The following CHD2 variants were observed in gnomAD, a reference collection of about 807,000 sequenced individuals.
CHD2 encodes the protein ATP-dependent chromatin remodeler CHD2.
A neutral mutation model predicts 243.9 loss-of-function variants in CHD2; 28 were observed. That is an observed-to-expected ratio of 0.11 (90% confidence interval 0.09 to 0.16). The LOEUF (loss-of-function observed/expected upper bound fraction) is 0.16, where lower values mean the gene tolerates loss of function less well. CHD2 is among the 10% of genes least tolerant of loss of function. The probability of loss-of-function intolerance (pLI) is 1.00; values close to 1 mark genes in which losing one functional copy is unlikely to be tolerated. For missense variants in CHD2, 1,386 were observed against 2,209.8 expected (o/e 0.63, Z 7.47); for synonymous variants, 775 against 779.0 (o/e 0.99, Z 0.09).
chr15:92,915,156 G>A (rs890650741), intron 2 of CHD2, among the ~76,000 whole-genome samples: 5 of 152,172 alleles, frequency 3.3e-5, no homozygotes, highest in African/African-American at 1.2e-4. Flanking sequence ...GGTGACTGCT[G>A]AGAGCACTGC....
In CHD2 at chr15:92,929,055, G is replaced by T; in HGVS notation, c.407G>T (p.Ser136Ile). Residue 136 changes from serine (S) to isoleucine (I), a missense_variant, in exon 5 of 39, where the codon AGC becomes ATC. By Grantham distance (142) the Ser-to-Ile change is moderately radical. This residue lies in a region of CHD2 where 16 missense variants were observed against 76.0 expected (regional missense o/e 0.21). Coordinates refer to ENST00000394196, the MANE Select transcript of CHD2 (RefSeq NM_001271.4). ...GCAAGTAGCGGGTCTGAGAGTGGGAGCCCAAAAAGAAGAGGCCAGAGGCAG... is the reference window on the plus strand; with the variant it reads ...GCAAGTAGCGGGTCTGAGAGTGGGATCCCAAAAAGAAGAGGCCAGAGGCAG... ...EEASSGSESG[S>I]PKRRGQRQLK... The T allele has an allele frequency of 6.2e-7, 1 of 1,611,500 alleles. No individual in the cohort carries two copies. The highest frequency in any genetic ancestry group is 8.5e-7 in the Non-Finnish European group (1 of 1,178,562).
At position 92,943,391 on chromosome 15, in the gene CHD2, A is replaced by G. The variant is rs12915024; in HGVS notation, c.1052+323A>G. The G allele has an allele frequency of 0.15, 43,847 of 296,428 alleles. 3,901 individuals are homozygous for G. The highest frequency in any genetic ancestry group is 0.24 in the East Asian group (2,760 of 11,482). The allele number at this position is 296,428 out of a possible 1,614,324, so 18.4% of individuals were successfully genotyped here. On this transcript the variant is annotated intron_variant, in intron 9 of 38. Transcript: ENST00000394196. ...GAATACGGCACACAGCAATTCTGCA[A>G]GTGGACTCAGGTTTTGAATTCTGAT...
intron 16 of CHD2, among the ~76,000 whole-genome samples, chr15:92,961,875 T>C (rs2053692104): frequency 9.3e-6 from 1 of 107,758 alleles, no homozygotes; most frequent in African/African-American, 3.1e-5. Flanking sequence ...TTTTTTCTTC[T>C]CTTTTTTTTT....
chr15:92,912,333 C>T (rs2052751658), intron 2 of CHD2, among the ~76,000 whole-genome samples: 1 of 152,090 alleles, frequency 6.6e-6, no homozygotes, highest in Admixed American at 6.6e-5. Flanking sequence ...TATCTGCCGT[C>T]TCGGGGAATA....
chr15:92,906,684 T>A (rs1386649604), intron 2 of CHD2, among the ~76,000 whole-genome samples: 2 of 115,810 alleles, frequency 1.7e-5, no homozygotes, highest in African/African-American at 3.2e-5. Flanking sequence ...TTTTTTTTTT[T>A]AAGATCCTTT....
At chr15:93,001,216 C>G (rs55738314) in intron 32 of CHD2, among the ~76,000 whole-genome samples, 9,441 of 152,246 alleles carry the variant, frequency 0.062, 408 homozygotes, top group Non-Finnish European at 0.096. Context: ...CTCATTCTTG[C>G]AAATGACGGG....
chr15:92,998,416 C>T lies in CHD2; in HGVS notation c.3886-83C>T. The T allele has an allele frequency of 6.4e-7, 1 of 1,566,556 alleles. No homozygotes were observed. Among genetic ancestry groups the T allele is most frequent in the Non-Finnish European group, 8.7e-7 (1 of 1,149,594 alleles). On this transcript the variant is annotated intron_variant, in intron 30 of 38. Coordinates refer to ENST00000394196, the MANE Select transcript of CHD2 (RefSeq NM_001271.4). The surrounding 1 kb of genome is among the most constrained non-coding windows in gnomAD (Gnocchi z 5.1). ...GGTTGGGGAGGGAAAGGACTGTGCTCAGTTTTTGTTGTCTCTGTTTATCCT... is the reference window on the plus strand; with the variant it reads ...GGTTGGGGAGGGAAAGGACTGTGCTTAGTTTTTGTTGTCTCTGTTTATCCT...
chr15:93,004,556 C>T, intron 33 of CHD2, 61 bp from the exon 34 acceptor site: 2 of 1,481,042 alleles, frequency 1.4e-6, no homozygotes, highest in Non-Finnish European at 1.8e-6. Context: ...AGGTAAGAAA[C>T]CTAAATCGCA....
intron 10 of CHD2, 23 bp downstream of exon 10, chr15:92,944,538 C>A (rs200735963): frequency 1.6e-6 from 2 of 1,257,968 alleles, no homozygotes; most frequent in East Asian, 4.8e-5. Context: ...TAACTCACTT[C>A]AGCCATATTT....
Position 92,967,522 on chromosome 15 carries a change from T to C in CHD2, c.2189+9T>C, listed in dbSNP as rs1188901896. On this transcript the variant is annotated intron_variant, in intron 17 of 38. Coordinates refer to ENST00000394196, the MANE Select transcript of CHD2 (RefSeq NM_001271.4). ...CAGAAACAGTATTACAAGTAAGTTC[T>C]TGTTTGGGTTAGGCCTGAAGGGGTT... 6.2e-7 allele frequency: 1 copy of C among 1,612,822 alleles called. No homozygotes were observed. The highest frequency in any genetic ancestry group is 1.7e-5 in the Admixed American group (1 of 59,970).
In CHD2 at chr15:92,900,450, C is replaced by T. The variant is rs1472179557; in HGVS notation, c.-446C>T. The stretch of plus-strand genomic sequence containing the variant: ...CAGCCTCAGGGGGCCCCCGTAGCCC[C>T]CTGCCTTTCCTAGGGACTTACTGGG... On this transcript the variant is annotated 5_prime_UTR_variant, in exon 1 of 39. Coordinates refer to ENST00000394196, the MANE Select transcript of CHD2 (RefSeq NM_001271.4). 4 of 397,306 alleles carry T rather than the reference C, an allele frequency of 1.0e-5. No individual in the cohort carries two copies. Among genetic ancestry groups the T allele is most frequent in the African/African-American group, 2.1e-5 (1 of 48,574 alleles). 24.6% of individuals were successfully genotyped at this position (397,306 alleles called of 1,614,324 possible).
chr15:92,960,732 T>TTTTTTA (rs1305336683), intron 16 of CHD2, among the ~76,000 whole-genome samples: 1 of 146,198 alleles, frequency 6.8e-6, no homozygotes, highest in Non-Finnish European at 1.5e-5. Flanking sequence ...TTTTTTTTTT[T>TTTTTTA]AAGACAGAGT....
chr15:92,976,384 A>C (rs2053908433), intron 20 of CHD2, among the ~76,000 whole-genome samples: 2 of 152,186 alleles, frequency 1.3e-5, no homozygotes, highest in Non-Finnish European at 1.5e-5. Flanking sequence ...AAAGAAAAAA[A>C]CAATTGTACC....
intron 2 of CHD2, among the ~76,000 whole-genome samples, chr15:92,923,766 G>T (rs1261633249): frequency 2.0e-5 from 3 of 151,898 alleles, no homozygotes; most frequent in Admixed American, 2.0e-4. Flanking sequence ...GGGTTTCACC[G>T]TGTGGTCCAG....
chr15:92,987,825 T>C (rs1426260618), intron 26 of CHD2, among the ~76,000 whole-genome samples: 1 of 151,956 alleles, frequency 6.6e-6, no homozygotes, highest in East Asian at 1.9e-4. Flanking sequence ...AAATATATAA[T>C]ATACCATTTT....
chr15:92,962,456 T>A (rs2053703290), intron 16 of CHD2, among the ~76,000 whole-genome samples: 1 of 152,182 alleles, frequency 6.6e-6, no homozygotes, highest in African/African-American at 2.4e-5. Context: ...AAGGATGGTG[T>A]TTAATATCCA....
intron 2 of CHD2, among the ~76,000 whole-genome samples, chr15:92,908,447 A>G (rs1165762705): frequency 6.6e-6 from 1 of 152,150 alleles, no homozygotes; most frequent in East Asian, 1.9e-4. Context: ...TTTGGGTTAT[A>G]GGTCAGATGG....
intron 28 of CHD2, among the ~76,000 whole-genome samples, chr15:92,996,160 C>CTTTTT (rs10712520): frequency 8.9e-6 from 1 of 112,994 alleles, no homozygotes. Context: ...GGGTAAGTTT[C>CTTTTT]TTTTTTTTTT....
At chr15:92,971,629 A>G (rs2053843180) in intron 17 of CHD2, 136 bp from the exon 18 acceptor site, 3 of 563,098 alleles carry the variant, frequency 5.3e-6, no homozygotes, top group Non-Finnish European at 2.9e-6. Flanking sequence ...TACAAAAGAA[A>G]ATATTCTTTG....
Sources: allele counts gnomAD v4.1 joint callset (sites outside exome capture counted in the v4.1 genomes callset), GRCh38; gene constraint gnomAD v4.1.1; regional missense constraint gnomAD v4.1.1; non-coding constraint Gnocchi (gnomAD v3.1); transcripts MANE v1.5; gene names NCBI Gene and HGNC (gene_info 2026-07-23, HGNC 2026-07-21).